TMEM229B: variants seen among roughly 807,000 people sequenced by gnomAD.
TMEM229B encodes the protein chromosome 14 open reading frame 83.
A neutral mutation model predicts 13.7 loss-of-function variants in TMEM229B; 6 were observed. The ratio of observed to expected loss-of-function variants is 0.44; its 90% CI spans 0.24 to 0.86. The LOEUF is 0.86. Among genes scored for constraint, TMEM229B ranks in the 40% least tolerant of loss-of-function variants. The pLI is 0.23. For missense variants in TMEM229B, 170 were observed against 236.0 expected, an observed-to-expected ratio of 0.72 and a Z score of 1.83; for synonymous variants, 107 against 102.1, an observed-to-expected ratio of 1.05 and a Z score of -0.29.
chr14:67,500,436 T>C (rs543961018), intron 1 of TMEM229B, among the ~76,000 whole-genome samples: 1 of 151,906 alleles, frequency 6.6e-6, no homozygotes, highest in African/African-American at 2.4e-5. Flanking sequence ...GCTCTCACCA[T>C]TGCACTCCAA....
chr14:67,510,031 A>T (rs970108791), intron 1 of TMEM229B, among the ~76,000 whole-genome samples: 17 of 152,174 alleles, frequency 1.1e-4, no homozygotes, highest in Non-Finnish European at 2.5e-4. Flanking sequence ...TTTTATTAAA[A>T]AAAAAAAGAA....
chr14:67,494,073 T>C (rs978541803), intron 1 of TMEM229B, among the ~76,000 whole-genome samples: 1 of 152,000 alleles, frequency 6.6e-6, no homozygotes, highest in Non-Finnish European at 1.5e-5. Context: ...ACCTCCACCA[T>C]AAGCCTTAAG....
chr14:67,470,760 C>G lies in TMEM229B; in HGVS notation c.*2660G>C, dbSNP rs1315733. The G allele has an allele frequency of 0.036, 5,436 of 152,642 alleles. 95 individuals are homozygous for G. Among genetic ancestry groups the G allele is most frequent in the Middle Eastern group, 0.051 (15 of 294 alleles). 9.5% of individuals were successfully genotyped at this position (152,642 alleles called of 1,614,324 possible). A position where few individuals can be genotyped will look rare whatever the true frequency, so the allele number is the denominator to read the frequency against. ...GCACATGGGATGCCTAGCAGATGTC[C>G]GAAGCAGTTCAACCATGCAGGGCAA... On this transcript the variant is annotated 3_prime_UTR_variant, in exon 3 of 3. Coordinates refer to ENST00000554480, the MANE Select transcript of TMEM229B (RefSeq NM_001348543.2).
rs72719181 is a variant in TMEM229B at position 67,473,951 on chromosome 14, G to A, written c.-18-10C>T. On this transcript the variant is annotated splice_polypyrimidine_tract_variant and intron_variant, in intron 2 of 2. Coordinates refer to ENST00000554480, the MANE Select transcript of TMEM229B (RefSeq NM_001348543.2). This position sits in a 1 kb window ranked among gnomAD's most constrained non-coding sequence, Gnocchi z 6.5. ...CGCCGACTGGGGCTGGCTGCGGGGG[G>A]CGCAAGAGAGACAGGTGAGGGCCGG... 52,026 of 1,575,692 alleles carry A rather than the reference G, an allele frequency of 0.033. 1,025 individuals carry two copies. Among genetic ancestry groups the A allele is most frequent in the African/African-American group, 0.051 (3,811 of 74,262 alleles).
chr14:67,526,967 T>C (rs1262200513), intron 1 of TMEM229B, among the ~76,000 whole-genome samples: 1 of 152,104 alleles, frequency 6.6e-6, no homozygotes, highest in African/African-American at 2.4e-5. Flanking sequence ...AGGGAGATAA[T>C]AGACCTATTG....
chr14:67,529,910 T>C (rs1413122875), intron 1 of TMEM229B, among the ~76,000 whole-genome samples: 1 of 152,116 alleles, frequency 6.6e-6, no homozygotes, highest in Non-Finnish European at 1.5e-5. Context: ...CAACAGTAAC[T>C]GAGAACCAGG....
intron 1 of TMEM229B, among the ~76,000 whole-genome samples, chr14:67,502,907 C>T (rs1452743658): frequency 6.6e-6 from 1 of 152,064 alleles, no homozygotes; most frequent in African/African-American, 2.4e-5. Flanking sequence ...AACAAAGTTC[C>T]AGCCTTTGGG....
chr14:67,489,854 A>G (rs1014560539), upstream of TMEM229B, among the ~76,000 whole-genome samples: 8 of 152,104 alleles, frequency 5.3e-5, no homozygotes, highest in East Asian at 1.9e-4. Flanking sequence ...GCCAGGTGTG[A>G]TGGTGGGCAC....
intron 2 of TMEM229B, among the ~76,000 whole-genome samples, chr14:67,480,927 C>A (rs1158817609): frequency 2.6e-5 from 4 of 152,122 alleles, no homozygotes; most frequent in Non-Finnish European, 5.9e-5. Context: ...ATCCCAAAAC[C>A]CTTGGAGCAG....
intron 2 of TMEM229B, among the ~76,000 whole-genome samples, chr14:67,478,094 TCTA>T (rs1201261588): frequency 2.0e-5 from 3 of 152,202 alleles, no homozygotes; most frequent in Non-Finnish European, 2.9e-5. Flanking sequence ...ACAACTACCG[TCTA>T]CTATTACAGC....
intron 2 of TMEM229B, among the ~76,000 whole-genome samples, chr14:67,480,448 G>C (rs866361868): frequency 6.6e-6 from 1 of 152,186 alleles, no homozygotes; most frequent in Non-Finnish European, 1.5e-5. Context: ...GGGTGTCAGA[G>C]CCAGCCCGAG....
intron 2 of TMEM229B, among the ~76,000 whole-genome samples, chr14:67,476,282 G>A (rs1282376472): frequency 6.6e-6 from 1 of 152,164 alleles, no homozygotes; most frequent in Admixed American, 6.5e-5. Context: ...ATTTTGTCAT[G>A]GTTCTTACAT....
intron 2 of TMEM229B, among the ~76,000 whole-genome samples, chr14:67,482,517 C>A (rs905783344): frequency 6.6e-6 from 1 of 152,176 alleles, no homozygotes; most frequent in African/African-American, 2.4e-5. Context: ...AGCTTCACTC[C>A]CCATCCCCAG....
At chr14:67,514,410 C>T (rs1215697769) in intron 1 of TMEM229B, among the ~76,000 whole-genome samples, 1 of 152,186 alleles carries the variant, frequency 6.6e-6, no homozygotes, top group Non-Finnish European at 1.5e-5. Context: ...GCATCTCTCA[C>T]GGAGGACCAG....
At chr14:67,501,087 A>AAG (rs2032594579) in intron 1 of TMEM229B, among the ~76,000 whole-genome samples, 1 of 122,998 alleles carries the variant, frequency 8.1e-6, no homozygotes, top group Non-Finnish European at 1.7e-5. Context: ...ATAATAATAA[A>AAG]GAAAATGCCT....
chr14:67,501,370 T>C (rs910504004), intron 1 of TMEM229B, among the ~76,000 whole-genome samples: 1 of 152,088 alleles, frequency 6.6e-6, no homozygotes, highest in Non-Finnish European at 1.5e-5. Context: ...ATTATTTTTA[T>C]TTATTTATTT....
chr14:67,502,746 C>T (rs1480681826), intron 1 of TMEM229B, among the ~76,000 whole-genome samples: 4 of 151,928 alleles, frequency 2.6e-5, no homozygotes, highest in East Asian at 1.9e-4. Flanking sequence ...GCCACCGCGC[C>T]GGGCCCCAGA....
chr14:67,524,775 T>G (rs1245915164), intron 1 of TMEM229B, among the ~76,000 whole-genome samples: 1 of 152,170 alleles, frequency 6.6e-6, no homozygotes, highest in African/African-American at 2.4e-5. Context: ...ACAGTGTAAT[T>G]GCTTTGAAGA....
At chr14:67,505,671 G>T (rs2032798113) in intron 1 of TMEM229B, among the ~76,000 whole-genome samples, 1 of 152,006 alleles carries the variant, frequency 6.6e-6, no homozygotes. Flanking sequence ...TTCAGGGGCT[G>T]AGGAAGGAGC....
Sources: gnomAD v4.1 joint callset for allele counts (sites outside exome capture counted in the v4.1 genomes callset) on GRCh38, gnomAD v4.1.1 for gene constraint, Gnocchi (gnomAD v3.1) non-coding constraint, MANE v1.5 for transcripts, NCBI Gene and HGNC (gene_info 2026-07-23, HGNC 2026-07-21) for gene names.